ARL15: variants seen among roughly 807,000 people sequenced by gnomAD.
ARL15 encodes ARF like GTPase 15.
Under a neutral mutation model 25.2 loss-of-function variants are expected in ARL15, and 19 were observed. That is an observed-to-expected ratio of 0.75 (90% CI 0.53 to 1.10). The LOEUF (loss-of-function observed/expected upper bound fraction) is 1.10, where lower values mean the gene tolerates loss of function less well. Among genes scored for constraint, ARL15 ranks in the 50% least tolerant of loss-of-function variants. The pLI is 0.00. For synonymous variants in ARL15, 94 were observed against 86.8 expected (o/e 1.08, Z -0.46); for missense variants, 220 against 246.0 (o/e 0.89, Z 0.71).
chr5:54,079,162 T>C (rs1261216928), intron 4 of ARL15, among the ~76,000 whole-genome samples: 1 of 152,216 alleles, frequency 6.6e-6, no homozygotes, highest in South Asian at 2.1e-4. Flanking sequence ...CATGTATTAA[T>C]TCCTATATTA....
At chr5:53,985,484 C>A (rs1411168519) in intron 4 of ARL15, among the ~76,000 whole-genome samples, 1 of 152,098 alleles carries the variant, frequency 6.6e-6, no homozygotes, top group Non-Finnish European at 1.5e-5. Context: ...CTCCCCAAAC[C>A]CTGGCAACCA....
intron 1 of ARL15, among the ~76,000 whole-genome samples, chr5:54,204,065 G>A (rs576045885): frequency 4.3e-4 from 65 of 152,214 alleles, no homozygotes; most frequent in African/African-American, 1.5e-3. Context: ...TCTGGAAGCT[G>A]CTACCTAAAC....
chr5:53,898,427 AAGGGTC>A (rs1744943905), intron 4 of ARL15, among the ~76,000 whole-genome samples: 2 of 152,158 alleles, frequency 1.3e-5, no homozygotes, highest in South Asian at 4.1e-4. Context: ...GCAGTGAAGC[AAGGGTC>A]CTGGGCTTTT....
intron 1 of ARL15, among the ~76,000 whole-genome samples, chr5:54,297,865 C>T (rs1302899951): frequency 6.6e-6 from 1 of 152,182 alleles, no homozygotes; most frequent in African/African-American, 2.4e-5. Flanking sequence ...TCACTGCAAG[C>T]TCCACCTCCC....
chr5:53,977,726 G>A (rs1218992060), intron 4 of ARL15, among the ~76,000 whole-genome samples: 3 of 152,116 alleles, frequency 2.0e-5, no homozygotes, highest in Admixed American at 6.5e-5. Context: ...GAGCAGAAAA[G>A]TCTTATCAAG....
rs113688613 is a variant in ARL15 at position 54,256,128 on chromosome 5, G to A, written c.48+54304C>T. Among the ~76,000 whole-genome samples the A allele has an allele frequency of 6.3e-3, 951 of 151,438 alleles. 7 individuals are homozygous for A. Among genetic ancestry groups the A allele is most frequent in the African/African-American group, 0.022 (910 of 41,386 alleles). On this transcript the variant is annotated intron_variant, in intron 1 of 4. Coordinates refer to ENST00000504924, the MANE Select transcript of ARL15 (RefSeq NM_019087.3). ...AAACAAAAGATTAATAAAACAAATT[G>A]GTTCTCTTAAAAGACAAAACTGATA...
intron 1 of ARL15, among the ~76,000 whole-genome samples, chr5:54,267,943 G>A (rs931119609): frequency 6.6e-6 from 1 of 151,610 alleles, no homozygotes; most frequent in Non-Finnish European, 1.5e-5. Flanking sequence ...ACAATTATGT[G>A]TCTTGGAGTT....
At chr5:53,987,868 C>T (rs916918453) in intron 4 of ARL15, among the ~76,000 whole-genome samples, 4 of 152,036 alleles carry the variant, frequency 2.6e-5, no homozygotes, top group East Asian at 1.9e-4. Flanking sequence ...TTTGGAAGGC[C>T]GAGGTGGGCG....
intron 1 of ARL15, among the ~76,000 whole-genome samples, chr5:54,188,526 G>T (rs914740706): frequency 2.0e-5 from 3 of 150,342 alleles, no homozygotes; most frequent in African/African-American, 7.4e-5. Flanking sequence ...GGATACCAAG[G>T]TCCTCAAGGG....
At chr5:53,929,849 A>G (rs1382272722) in intron 4 of ARL15, among the ~76,000 whole-genome samples, 2 of 152,106 alleles carry the variant, frequency 1.3e-5, no homozygotes, top group African/African-American at 4.8e-5. Context: ...GACAGCTGGG[A>G]CTCTTCTATT....
chr5:54,302,682 G>GTTTTTTTT (rs1758644486), intron 1 of ARL15, among the ~76,000 whole-genome samples: 1 of 59,362 alleles, frequency 1.7e-5, no homozygotes, highest in African/African-American at 6.8e-5. Context: ...CTAAAATTAA[G>GTTTTTTTT]ATTTTTTTTT....
intron 1 of ARL15, among the ~76,000 whole-genome samples, chr5:54,239,003 C>G (rs1256604518): frequency 6.6e-6 from 1 of 152,226 alleles, no homozygotes; most frequent in African/African-American, 2.4e-5. Context: ...AATGACTCTT[C>G]TAAGTAATAC....
intron 4 of ARL15, among the ~76,000 whole-genome samples, chr5:53,977,850 GC>G (rs1317485921): frequency 7.0e-6 from 1 of 142,486 alleles, no homozygotes; most frequent in African/African-American, 2.6e-5. Flanking sequence ...CCGGTCCTCT[GC>G]CCCCCCGCCC....
chr5:54,077,625 G>A (rs1751653876), intron 4 of ARL15, among the ~76,000 whole-genome samples: 1 of 152,174 alleles, frequency 6.6e-6, no homozygotes, highest in African/African-American at 2.4e-5. Context: ...TTGCCCTGGG[G>A]TTCTCATTAC....
At chr5:54,055,055 C>G (rs1041930185) in intron 4 of ARL15, among the ~76,000 whole-genome samples, 15 of 152,126 alleles carry the variant, frequency 9.9e-5, no homozygotes, top group Non-Finnish European at 1.8e-4. Flanking sequence ...GCTTTTAGTA[C>G]ATACAGAGTT....
intron 2 of ARL15, among the ~76,000 whole-genome samples, chr5:54,155,782 A>G (rs1422711894): frequency 6.6e-6 from 1 of 152,226 alleles, no homozygotes; most frequent in Middle Eastern, 3.4e-3. Context: ...GACTCTCAGG[A>G]AAACTGGGAA....
chr5:54,026,613 C>T (rs947500266), intron 4 of ARL15, among the ~76,000 whole-genome samples: 1 of 152,068 alleles, frequency 6.6e-6, no homozygotes, highest in Admixed American at 6.6e-5. Context: ...TTCAAGAGAG[C>T]CAAGGGAAAT....
intron 4 of ARL15, among the ~76,000 whole-genome samples, chr5:54,053,961 C>T: frequency 6.6e-6 from 1 of 152,174 alleles, no homozygotes; most frequent in East Asian, 1.9e-4. Context: ...TGTCCCCCTA[C>T]TCTTAACAGA....
At chr5:53,943,490 G>A (rs971947907) in intron 4 of ARL15, among the ~76,000 whole-genome samples, 1 of 152,018 alleles carries the variant, frequency 6.6e-6, no homozygotes. Context: ...TGAGCCTTAT[G>A]GTCATCAATT....
Sources: allele counts gnomAD v4.1 joint callset (sites outside exome capture counted in the v4.1 genomes callset), GRCh38; gene constraint gnomAD v4.1.1; transcripts MANE v1.5; gene names NCBI Gene and HGNC (gene_info 2026-07-23, HGNC 2026-07-21).